HMG20A: variants seen among roughly 807,000 people sequenced by gnomAD.
HMG20A encodes the protein high mobility group protein 20A.
A neutral mutation model predicts 43.9 loss-of-function variants in HMG20A; 17 were observed. That is an observed-to-expected ratio of 0.39 (90% CI 0.27 to 0.58). The LOEUF (loss-of-function observed/expected upper bound fraction) is 0.58, where lower values mean the gene tolerates loss of function less well. Ranked by LOEUF, HMG20A falls within the 20% of genes least tolerant of loss-of-function variation. HMG20A has a pLI of 0.59. For missense variants in HMG20A, 341 were observed against 438.2 expected (o/e 0.78, Z 1.98); for synonymous variants, 132 against 147.5 (o/e 0.89, Z 0.76).
At chr15:77,448,857 G>A (rs1351298524) in intron 1 of HMG20A, among the ~76,000 whole-genome samples, 2 of 152,024 alleles carry the variant, frequency 1.3e-5, no homozygotes, top group South Asian at 2.1e-4. Context: ...GCCGAGGTGG[G>A]TGGATCACAA....
At chr15:77,424,923 T>G (rs2073410037) in intron 1 of HMG20A, among the ~76,000 whole-genome samples, 1 of 151,958 alleles carries the variant, frequency 6.6e-6, no homozygotes, top group African/African-American at 2.4e-5. Flanking sequence ...TACCTCACAT[T>G]ATTCATCTAC....
chr15:77,434,193 C>T (rs1418825983), intron 1 of HMG20A, among the ~76,000 whole-genome samples: 1 of 152,054 alleles, frequency 6.6e-6, no homozygotes, highest in East Asian at 1.9e-4. Flanking sequence ...ATCTTGAACC[C>T]TTACCTCACA....
At chr15:77,514,548 A>C in the HMG20A span, among the ~76,000 whole-genome samples, 7 of 152,344 alleles carry the variant, frequency 4.6e-5, no homozygotes, top group African/African-American at 1.7e-4. Context: ...CAAAAAGTGA[A>C]GTGTGGAGTG....
At chr15:77,512,373 GTACA>G in the HMG20A span, among the ~76,000 whole-genome samples, 1 of 151,910 alleles carries the variant, frequency 6.6e-6, no homozygotes, top group African/African-American at 2.4e-5. Flanking sequence ...CCATTGAATG[GTACA>G]CTAAAGCTGT....
At chr15:77,451,111 C>T (rs2073731817) in intron 1 of HMG20A, among the ~76,000 whole-genome samples, 1 of 152,168 alleles carries the variant, frequency 6.6e-6, no homozygotes, top group African/African-American at 2.4e-5. Flanking sequence ...ATCTTTTTAG[C>T]AGTGAATAAT....
downstream of HMG20A, among the ~76,000 whole-genome samples, chr15:77,486,970 TG>T (rs2072948625): frequency 6.6e-6 from 1 of 152,172 alleles, no homozygotes; most frequent in Admixed American, 6.5e-5. Flanking sequence ...ATGCCAAAGT[TG>T]GGCAGTTAAA....
the HMG20A span, among the ~76,000 whole-genome samples, chr15:77,509,522 C>A: frequency 3.4e-5 from 5 of 148,242 alleles, no homozygotes; most frequent in African/African-American, 1.2e-4. Context: ...TCTCAAAGTG[C>A]TGGGAATACA....
intron 1 of HMG20A, among the ~76,000 whole-genome samples, chr15:77,451,748 G>A (rs983164064): frequency 2.6e-5 from 4 of 152,124 alleles, no homozygotes; most frequent in Admixed American, 2.6e-4. Context: ...GAAAAAAACA[G>A]AGCAGGGAAG....
chr15:77,462,595 CTGT>C (rs1328037186), intron 2 of HMG20A, among the ~76,000 whole-genome samples: 1 of 136,246 alleles, frequency 7.3e-6, no homozygotes, highest in Non-Finnish European at 1.7e-5. Context: ...TCTTGTGTGT[CTGT>C]CCACACACAC....
At chr15:77,482,095 T>G (rs1398523647) in intron 9 of HMG20A, 1 of 152,098 alleles carries the variant, frequency 6.6e-6, no homozygotes, top group Admixed American at 6.6e-5. Flanking sequence ...GAGTACAGAA[T>G]CCAAGACTAG....
intron 1 of HMG20A, among the ~76,000 whole-genome samples, chr15:77,454,959 C>T (rs1281929464): frequency 1.3e-5 from 2 of 151,838 alleles, no homozygotes; most frequent in Non-Finnish European, 2.9e-5. Context: ...TTGAGATGGG[C>T]AGAATCCCAC....
chr15:77,471,660 TATC>T (rs2072809576), intron 5 of HMG20A, 120 bp from the exon 6 acceptor site: 2 of 671,894 alleles, frequency 3.0e-6, no homozygotes, highest in African/African-American at 3.8e-5. Flanking sequence ...TAAGGAAAAA[TATC>T]ATATGTTATG....
intron 1 of HMG20A, among the ~76,000 whole-genome samples, chr15:77,442,137 T>C (rs2073619532): frequency 6.6e-6 from 1 of 152,238 alleles, no homozygotes. Flanking sequence ...AGATATATTG[T>C]AATTTTCAGA....
Position 77,478,338 on chromosome 15 carries a change from G to A in HMG20A, c.735G>A (p.Glu245=). 3 of 1,613,732 alleles carry A rather than the reference G, an allele frequency of 1.9e-6. No homozygotes were observed. Among genetic ancestry groups the A allele is most frequent in the South Asian group, 1.1e-5 (1 of 91,058 alleles). ...ELRQLRKSNM[E]FEERNAALQK... ...GCCAGCTTCGCAAATCCAACATGGA[G>A]TTTGAGGAGAGGAATGCAGCCCTGC... The change falls in exon 8 of 10, where the codon GAG becomes GAA. Residue 245 remains glutamate, a synonymous_variant. Transcript: ENST00000336216.
the HMG20A span, among the ~76,000 whole-genome samples, chr15:77,513,802 G>A: frequency 1.3e-5 from 2 of 150,436 alleles, no homozygotes; most frequent in Non-Finnish European, 3.0e-5. Flanking sequence ...CTTGACTCAC[G>A]GCAACCTCCA....
chr15:77,443,370 G>GAGTATTATT (rs2073635167), intron 1 of HMG20A, among the ~76,000 whole-genome samples: 1 of 124,800 alleles, frequency 8.0e-6, no homozygotes. Flanking sequence ...TGATGATGAT[G>GAGTATTATT]ATGATGATGA....
chr15:77,443,127 G>A (rs986031332), intron 1 of HMG20A, among the ~76,000 whole-genome samples: 3 of 147,070 alleles, frequency 2.0e-5, no homozygotes, highest in African/African-American at 7.6e-5. Flanking sequence ...CCACCTCCCA[G>A]GTTTAAGCGA....
chr15:77,499,275 T>C, the HMG20A span, among the ~76,000 whole-genome samples: 1 of 152,146 alleles, frequency 6.6e-6, no homozygotes, highest in Non-Finnish European at 1.5e-5. Flanking sequence ...CAGAGCTGAG[T>C]CGCCCTTGCT....
At chr15:77,471,096 C>A in intron 5 of HMG20A, 54 bp downstream of exon 5, 1 of 1,559,686 alleles carries the variant, frequency 6.4e-7, no homozygotes, top group South Asian at 1.2e-5. Context: ...GATGGAGTGT[C>A]ATAAAGCCAA....
Sources: allele counts gnomAD v4.1 joint callset (sites outside exome capture counted in the v4.1 genomes callset), GRCh38; gene constraint gnomAD v4.1.1; transcripts MANE v1.5; gene names NCBI Gene and HGNC (gene_info 2026-07-23, HGNC 2026-07-21).